Variants in PPFIA3 observed in about 807,000 individuals in gnomAD.
The protein encoded by PPFIA3 is liprin-alpha-3.
In PPFIA3, 26 loss-of-function variants were observed where a neutral mutation model predicts 145.8. The ratio of observed to expected loss-of-function variants is 0.18; its 90% CI spans 0.13 to 0.25. PPFIA3 has a LOEUF of 0.25. Ranked by LOEUF, PPFIA3 falls within the 10% of genes least tolerant of loss-of-function variation. The pLI is 1.00. For synonymous variants in PPFIA3, 645 were observed against 661.4 expected (o/e 0.98, Z 0.38); for missense variants, 1,008 against 1,587.8 (o/e 0.63, Z 6.21).
chr19:49,146,342 A>C, intron 23 of PPFIA3, 150 bp downstream of exon 23: 1 of 1,002,374 alleles, frequency 1.0e-6, no homozygotes, highest in Non-Finnish European at 1.5e-6. Context: ...GGACTGTTCC[A>C]TTATGGCTTG....
In PPFIA3 at chr19:49,136,835, C is replaced by T; in HGVS notation, c.1777C>T (p.Pro593Ser). 1 of 1,590,038 alleles carries T rather than the reference C, an allele frequency of 6.3e-7. No individual in the cohort carries two copies. The highest frequency in any genetic ancestry group is 8.6e-7 in the Non-Finnish European group (1 of 1,168,390). The part of the protein sequence containing the change: ...EGMFGAELLS[P>S]SGQADVQTLA... ...GATGTTTGGGGCCGAGCTGCTGTCC[C>T]CCAGTGGGCAGGCTGACGTGCAGAC... is the stretch of plus-strand genomic sequence containing the variant. Residue 593 changes from proline (P) to serine (S), a missense_variant, in exon 15 of 30, where the codon CCC (proline) becomes TCC (serine). Coordinates refer to ENST00000334186, the MANE Select transcript of PPFIA3 (RefSeq NM_003660.4).
chr19:49,134,943 C>A (rs776949064), intron 13 of PPFIA3, 28 bp downstream of exon 13: 7 of 1,518,538 alleles, frequency 4.6e-6, no homozygotes, highest in African/African-American at 1.4e-5. Context: ...GCCCTGCCCC[C>A]ACCATGGAGC....
Position 49,133,936 on chromosome 19 carries a change from AT to A in PPFIA3, c.1245+58del. The A allele has an allele frequency of 6.2e-7, 1 of 1,609,372 alleles. No individual in the cohort carries two copies. Among genetic ancestry groups the A allele is most frequent in the Non-Finnish European group, 8.5e-7 (1 of 1,177,780 alleles). ...GGCTTCGAGGCTGGGGCGGAGCTTA[AT>A]AAGGAGGCTGGGCTGGGCCCGGGGG... On this transcript the variant is annotated intron_variant, in intron 10 of 29. Coordinates refer to ENST00000334186, the MANE Select transcript of PPFIA3 (RefSeq NM_003660.4). This position sits in a 1 kb window ranked among gnomAD's most constrained non-coding sequence, Gnocchi z 7.2.
chr19:49,148,831 G>A (rs2041308746), intron 25 of PPFIA3, 68 bp downstream of exon 25: 4 of 1,547,606 alleles, frequency 2.6e-6, no homozygotes, highest in Non-Finnish European at 3.6e-6. Context: ...GGAGGAGAGG[G>A]GGTAGGGGGA....
At chr19:49,129,313 G>T in intron 4 of PPFIA3, 67 bp from the exon 5 acceptor site, 1 of 1,505,408 alleles carries the variant, frequency 6.6e-7, no homozygotes. Flanking sequence ...GGGTGTTCTG[G>T]ACCAGGGGCA....
At chr19:49,132,926 C>T (rs954506586) in intron 7 of PPFIA3, 75 bp from the exon 8 acceptor site, 2 of 1,544,636 alleles carry the variant, frequency 1.3e-6, no homozygotes, top group African/African-American at 1.4e-5. Context: ...CACTTTGTTT[C>T]CCAGGGAACA....
chr19:49,142,492 C>T lies in PPFIA3; in HGVS notation c.2545-312C>T, dbSNP rs145681994. ...CCTGCCGATGTCTCCCTGTCTCCGG[C>T]TTCCTGTCTCTCCCCACCCTCTATT... On this transcript the variant is annotated intron_variant, in intron 20 of 29. Coordinates refer to ENST00000334186, the MANE Select transcript of PPFIA3 (RefSeq NM_003660.4). 8.6e-3 allele frequency among the ~76,000 whole-genome samples: 1,313 copies of T among 152,024 alleles called. 6 individuals carry two copies. The highest frequency in any genetic ancestry group is 0.014 in the Middle Eastern group (4 of 294).
At chr19:49,148,393 A>C in intron 24 of PPFIA3, 135 bp downstream of exon 24, 1 of 1,027,290 alleles carries the variant, frequency 9.7e-7, no homozygotes, top group East Asian at 2.6e-5. Context: ...GGAAATCCTG[A>C]CTCTGTGCTC....
intron 16 of PPFIA3, among the ~76,000 whole-genome samples, chr19:49,139,216 T>C (rs1264356967): frequency 1.3e-5 from 2 of 151,902 alleles, no homozygotes; most frequent in Non-Finnish European, 2.9e-5. Flanking sequence ...TCCCAGCTTC[T>C]TGGGAGGCTG....
rs200577156 is a variant in PPFIA3 at position 49,128,835 on chromosome 19, C to T, written c.343-13C>T. ...TTGCCTCTTTTCCTTGACCCCATGC[C>T]GTGTGCTTGCAGCTGCTCCTGGAAC... is the stretch of plus-strand genomic sequence containing the variant. On this transcript the variant is annotated splice_polypyrimidine_tract_variant and intron_variant, in intron 3 of 29. Coordinates refer to ENST00000334186, the MANE Select transcript of PPFIA3 (RefSeq NM_003660.4). This position sits in a 1 kb window ranked among gnomAD's most constrained non-coding sequence, Gnocchi z 4.1. 3.4e-5 allele frequency: 54 copies of T among 1,585,210 alleles called. No homozygotes were observed. Among genetic ancestry groups the T allele is most frequent in the Admixed American group, 2.9e-4 (16 of 55,020 alleles).
At chr19:49,139,118 AGCTTTC>A (rs1346984727) in intron 16 of PPFIA3, among the ~76,000 whole-genome samples, 2 of 151,986 alleles carry the variant, frequency 1.3e-5, no homozygotes, top group Non-Finnish European at 2.9e-5. Context: ...GTAACTCATT[AGCTTTC>A]TTTGAGGCCT....
At position 49,142,958 on chromosome 19, in the gene PPFIA3, A is replaced by G; in HGVS notation, c.2699A>G (p.Glu900Gly). The change falls in exon 21 of 30, where the codon GAG (glutamate) becomes GGG (glycine). Residue 900 changes from glutamate to glycine, a missense_variant. Glu to Gly is a moderately conservative substitution (Grantham distance 98). Transcript: ENST00000334186. Reference protein sequence around the residue: ...HRLKLRLAIQEMVSLTSPSAP... With the variant: ...HRLKLRLAIQGMVSLTSPSAP... Reference sequence around the variant, plus strand: ...CTCAAGCTACGCCTCGCCATCCAGGAGATGGTCTCGCTCACCTCGCCCTCA... The same window carrying G: ...CTCAAGCTACGCCTCGCCATCCAGGGGATGGTCTCGCTCACCTCGCCCTCA... 1.2e-6 allele frequency: 2 copies of G among 1,612,664 alleles called. No individual in the cohort carries two copies. Among genetic ancestry groups the G allele is most frequent in the South Asian group, 1.1e-5 (1 of 91,070 alleles).
rs2041024878 is a variant in PPFIA3, at chr19:49,128,086, G to A, written c.213G>A (p.Gln71=). The change falls in exon 2 of 30, where the codon CAG becomes CAA. Residue 71 remains glutamine (Q), a synonymous_variant. Transcript: ENST00000334186. This position sits in a 1 kb window ranked among gnomAD's most constrained non-coding sequence, Gnocchi z 4.1. ...RELGHEKDSL[Q]RQLSIALPQE... ...TCGGCCACGAGAAGGACTCGCTGCA[G>A]CGCCAGCTCAGCATCGCGCTGCCCC... The A allele has an allele frequency of 6.3e-7, 1 of 1,583,908 alleles. No individual in the cohort carries two copies. The highest frequency in any genetic ancestry group is 8.5e-7 in the Non-Finnish European group (1 of 1,173,420).
intron 7 of PPFIA3, 122 bp from the exon 8 acceptor site, chr19:49,132,879 C>A (rs1016327224): frequency 7.8e-7 from 1 of 1,288,476 alleles, no homozygotes; most frequent in Non-Finnish European, 1.1e-6. Flanking sequence ...GAGCTCTTAG[C>A]GGGTGTGACA....
intron 1 of PPFIA3, among the ~76,000 whole-genome samples, chr19:49,121,311 A>T (rs1353871522): frequency 6.6e-6 from 1 of 151,772 alleles, no homozygotes; most frequent in African/African-American, 2.4e-5. Context: ...CTTTCTTTCT[A>T]TTTATTTATT....
At chr19:49,144,371 G>T (rs2041257473) in intron 21 of PPFIA3, among the ~76,000 whole-genome samples, 1 of 152,164 alleles carries the variant, frequency 6.6e-6, no homozygotes, top group Non-Finnish European at 1.5e-5. Context: ...TTTGTGACTT[G>T]TCACATGAGG....
Position 49,135,866 on chromosome 19 carries a change from C to T in PPFIA3, c.1608C>T (p.Gly536=), listed in dbSNP as rs2041131434. The T allele has an allele frequency of 6.2e-7, 1 of 1,613,804 alleles. No individual in the cohort carries two copies. The highest frequency in any genetic ancestry group is 2.2e-5 in the East Asian group (1 of 44,856). ...CCCACCTGGATCCCTATGTGGCTGGCAGTGGTCGGGCAGGCAAGAGGGGCC... is the reference window on the plus strand; with the variant it reads ...CCCACCTGGATCCCTATGTGGCTGGTAGTGGTCGGGCAGGCAAGAGGGGCC... ...SGAHLDPYVA[G]SGRAGKRGRW... is the part of the protein sequence containing the mutation. The change falls in exon 14 of 30, where the codon GGC becomes GGT. Residue 536 remains glycine (G), a synonymous_variant. Transcript: ENST00000334186.
intron 13 of PPFIA3, 94 bp from the exon 14 acceptor site, chr19:49,135,685 C>T: frequency 6.6e-6 from 9 of 1,368,526 alleles, no homozygotes; most frequent in South Asian, 1.5e-5. Context: ...ACCTTGACTT[C>T]AGGACCCCTG....
chr19:49,130,097 C>T lies in PPFIA3; in HGVS notation c.657+30C>T, dbSNP rs1430777987. On this transcript the variant is annotated intron_variant, in intron 6 of 29. Transcript: ENST00000334186. This position sits in a 1 kb window ranked among gnomAD's most constrained non-coding sequence, Gnocchi z 4.5. ...GACATGGAAGTCCCCTCTCCGTGAGCTCCATTCAACTCCCTGACTTTGTGA... is the reference window on the plus strand; with the variant it reads ...GACATGGAAGTCCCCTCTCCGTGAGTTCCATTCAACTCCCTGACTTTGTGA... 5 of 1,582,698 alleles carry T rather than the reference C, an allele frequency of 3.2e-6. No individual in the cohort carries two copies. Among genetic ancestry groups the T allele is most frequent in the Non-Finnish European group, 3.4e-6 (4 of 1,160,246 alleles).
Sources: gnomAD v4.1 joint callset for allele counts (sites outside exome capture counted in the v4.1 genomes callset) on GRCh38, gnomAD v4.1.1 for gene constraint, Gnocchi (gnomAD v3.1) non-coding constraint, MANE v1.5 for transcripts, NCBI Gene and HGNC (gene_info 2026-07-23, HGNC 2026-07-21) for gene names.